Variants in C2CD3 observed in about 807,000 individuals in gnomAD.
C2CD3 encodes C2 domain containing 3 centriole elongation regulator.
A neutral mutation model predicts 234.0 loss-of-function variants in C2CD3; 148 were observed. The ratio of observed to expected loss-of-function variants is 0.63; its 90% CI spans 0.55 to 0.72. The LOEUF (loss-of-function observed/expected upper bound fraction) is 0.72. C2CD3 is among the 30% of genes least tolerant of loss of function. The pLI is 0.00. For synonymous variants in C2CD3, 1,000 were observed against 1,035.4 expected (o/e 0.97, Z 0.66); for missense variants, 2,577 against 2,811.5 (o/e 0.92, Z 1.89).
At chr11:74,057,954 GTCAA>G (rs35354441) in intron 24 of C2CD3, among the ~76,000 whole-genome samples, 2 of 151,960 alleles carry the variant, frequency 1.3e-5, no homozygotes, top group Non-Finnish European at 1.5e-5. Flanking sequence ...GTGAGACCGT[GTCAA>G]TCAATCAATC....
chr11:74,140,270 T>C (rs1008006528), intron 3 of C2CD3, among the ~76,000 whole-genome samples: 4 of 152,232 alleles, frequency 2.6e-5, no homozygotes, highest in African/African-American at 7.2e-5. Context: ...TCTGTTCCAA[T>C]AGACCAATTA....
intron 32 of C2CD3, among the ~76,000 whole-genome samples, chr11:74,019,906 T>A (rs1952018264): frequency 6.6e-6 from 1 of 152,128 alleles, no homozygotes. Flanking sequence ...GACAAAAAAA[T>A]CAGGCTTGCT....
intron 28 of C2CD3, among the ~76,000 whole-genome samples, chr11:74,044,987 T>A (rs897910454): frequency 6.6e-6 from 1 of 152,106 alleles, no homozygotes; most frequent in African/African-American, 2.4e-5. Context: ...TCCTAAGGAA[T>A]CATTGTCTAA....
chr11:74,114,454 T>C lies in C2CD3; in HGVS notation c.1660A>G (p.Ser554Gly), dbSNP rs1956857735. The change falls in exon 10 of 33, where the codon AGT becomes GGT. Residue 554 changes from serine (S) to glycine (G), a missense_variant. By Grantham distance (56) the Ser-to-Gly change is moderately conservative (BLOSUM62 0). Transcript: ENST00000334126. ...IIETMGVPPD[S>G]PQMTPGKKSY... ...TTTTTGCCAGGGGTCATCTGAGGAC[T>C]ATCTGGAGGAACTCCCATGGTTTCG... 1 of 1,614,128 alleles carries C rather than the reference T, an allele frequency of 6.2e-7. No individual in the cohort carries two copies. The highest frequency in any genetic ancestry group is 8.5e-7 in the Non-Finnish European group (1 of 1,179,968).
intron 8 of C2CD3, among the ~76,000 whole-genome samples, chr11:74,121,216 T>C (rs1957203245): frequency 6.6e-6 from 1 of 152,196 alleles, no homozygotes; most frequent in African/African-American, 2.4e-5. Flanking sequence ...AGAATTCCAG[T>C]TCTGCCACTT....
chr11:74,034,649 T>C, intron 30 of C2CD3: 4 of 1,511,980 alleles, frequency 2.6e-6, no homozygotes, highest in Non-Finnish European at 3.7e-6. Flanking sequence ...TATTTACCTA[T>C]TTGATGACAG....
rs1398494529 is a variant in C2CD3 at position 74,034,158 on chromosome 11, CA to C, written c.6001del (p.Cys2001AlafsTer9). 1.4e-5 allele frequency: 22 copies of C among 1,536,094 alleles called. No homozygotes were observed. Among genetic ancestry groups the C allele is most frequent in the Admixed American group, 1.4e-4 (7 of 50,982 alleles). ...AQDTEALQERCTMPDEPLVRA... is the reference protein window; with the variant it reads ...AQDTEALQERXTMPDEPLVRA... Reference sequence around the variant, plus strand: ...TACCAATGGCTCATCTGGCATTGTGCATCGTTCTTGCAGTGCTTCTGTGTCC... The same window carrying C: ...TACCAATGGCTCATCTGGCATTGTGCTCGTTCTTGCAGTGCTTCTGTGTCC... On this transcript the variant is annotated frameshift_variant, in exon 31 of 33. Coordinates refer to ENST00000334126, the MANE Select transcript of C2CD3 (RefSeq NM_001286577.2). LOFTEE classifies it high-confidence loss of function.
intron 32 of C2CD3, among the ~76,000 whole-genome samples, chr11:74,017,894 C>T (rs1258094251): frequency 2.6e-5 from 4 of 152,164 alleles, no homozygotes; most frequent in African/African-American, 4.8e-5. Context: ...ATGGATTCCT[C>T]GAACAGGCCA....
chr11:74,023,901 G>A (rs1350826936), intron 32 of C2CD3, among the ~76,000 whole-genome samples: 1 of 152,124 alleles, frequency 6.6e-6, no homozygotes, highest in Admixed American at 6.5e-5. Context: ...AATGACATAT[G>A]ATTATGTGAT....
Position 74,117,074 on chromosome 11 carries a change from GAATATATATA to G in C2CD3, c.1520+1144_1520+1153del, listed in dbSNP as rs1957009611. Among the ~76,000 whole-genome samples, 3 of 48,918 alleles carry G rather than the reference GAATATATATA, an allele frequency of 6.1e-5. 1 individual carries two copies. The highest frequency in any genetic ancestry group is 1.8e-4 in the African/African-American group (1 of 5,598). The allele number at this position is 48,918 out of a possible 152,430, so 32.1% of individuals were successfully genotyped here. Reference sequence around the variant, plus strand: ...TATATATATATGAATATATATATATGAATATATATATGAATATATATATATGAATATATAT... The same window carrying G: ...TATATATATATGAATATATATATATGTGAATATATATATATGAATATATAT... On this transcript the variant is annotated intron_variant, in intron 9 of 32. Transcript: ENST00000334126.
chr11:74,068,956 C>T (rs1249329691), intron 24 of C2CD3, among the ~76,000 whole-genome samples: 3 of 152,144 alleles, frequency 2.0e-5, no homozygotes, highest in Non-Finnish European at 4.4e-5. Flanking sequence ...CAGGCTTGCG[C>T]TCAGCTAATT....
chr11:74,019,718 C>T (rs1299635047), intron 32 of C2CD3, among the ~76,000 whole-genome samples: 1 of 151,614 alleles, frequency 6.6e-6, no homozygotes, highest in African/African-American at 2.4e-5. Context: ...ACTCTGTCGC[C>T]CAGGCTGAAG....
rs978396470 is a variant in C2CD3, at chr11:74,034,087, C to T, written c.6073G>A (p.Glu2025Lys). Residue 2025 changes from glutamate (E) to lysine (K), a missense_variant, in exon 31 of 33, where the codon GAA (glutamate) becomes AAA (lysine). Transcript: ENST00000334126. ...GTDSPSPPPL[E>K]ETSNGGRMLH... ...ATTCTTCCTCCATTTGAAGTCTCTT[C>T]GAGAGGAGGGGGTGATGGGGAATCT... is the stretch of plus-strand genomic sequence containing the variant. 1.4e-5 allele frequency: 22 copies of T among 1,536,070 alleles called. No individual in the cohort carries two copies. The highest frequency in any genetic ancestry group is 5.5e-5 in the African/African-American group (4 of 73,010).
intron 3 of C2CD3, among the ~76,000 whole-genome samples, chr11:74,142,567 G>T (rs900387259): frequency 3.9e-5 from 6 of 152,112 alleles, no homozygotes; most frequent in Non-Finnish European, 7.4e-5. Context: ...TGCTAAGAAG[G>T]GGTCTGAGGC....
intron 21 of C2CD3, 36 bp downstream of exon 21, chr11:74,085,582 T>G: frequency 6.2e-7 from 1 of 1,608,006 alleles, no homozygotes; most frequent in Non-Finnish European, 8.5e-7. Context: ...TGCAGCCTCT[T>G]TTAATTTTGA....
intron 3 of C2CD3, among the ~76,000 whole-genome samples, chr11:74,157,234 T>C (rs1384691159): frequency 6.6e-6 from 1 of 152,266 alleles, no homozygotes; most frequent in Admixed American, 6.5e-5. Flanking sequence ...ATATTAAAAA[T>C]GTATTTCCAA....
Position 74,034,663 on chromosome 11 carries a change from T to C in C2CD3, c.5882-385A>G, listed in dbSNP as rs1379423531. ...TTATTTACCTATTTGATGACAGTTA[T>C]TAAAACTACCTATTTTACTTCGAAA... On this transcript the variant is annotated intron_variant, in intron 30 of 32. Coordinates refer to ENST00000334126, the MANE Select transcript of C2CD3 (RefSeq NM_001286577.2). 9 of 1,379,774 alleles carry C rather than the reference T, an allele frequency of 6.5e-6. No homozygotes were observed. The Admixed American group carries it at 1.0e-4, about 15-fold the overall frequency. 85.5% of individuals were successfully genotyped at this position (1,379,774 alleles called of 1,614,324 possible).
intron 3 of C2CD3, among the ~76,000 whole-genome samples, chr11:74,141,291 T>G (rs1221915698): frequency 6.6e-6 from 1 of 152,230 alleles, no homozygotes; most frequent in Admixed American, 6.5e-5. Context: ...CTATTCATCA[T>G]GAAGATCTTT....
chr11:74,167,548 C>T (rs1422310125), intron 2 of C2CD3, among the ~76,000 whole-genome samples: 1 of 152,124 alleles, frequency 6.6e-6, no homozygotes, highest in Non-Finnish European at 1.5e-5. Flanking sequence ...AATTTTTTCT[C>T]GAGAGAATGT....
Sources: allele counts gnomAD v4.1 joint callset (sites outside exome capture counted in the v4.1 genomes callset), GRCh38; gene constraint gnomAD v4.1.1; transcripts MANE v1.5; gene names NCBI Gene and HGNC (gene_info 2026-07-23, HGNC 2026-07-21).